CCDC85C: variants seen among roughly 807,000 people sequenced by gnomAD.
CCDC85C encodes coiled-coil domain containing 85C.
In CCDC85C, 18 loss-of-function variants were observed where a neutral mutation model predicts 38.3. The observed-to-expected ratio is 0.47, with a 90% confidence interval of 0.33 to 0.70. The LOEUF (loss-of-function observed/expected upper bound fraction) is 0.70. Ranked by LOEUF, CCDC85C falls within the 30% of genes least tolerant of loss-of-function variation. CCDC85C has a pLI of 0.03. For synonymous variants in CCDC85C, 264 were observed against 293.8 expected (o/e 0.90, Z 1.04); for missense variants, 566 against 621.2 (o/e 0.91, Z 0.94).
chr14:99,574,372 C>T (rs1898425454), intron 1 of CCDC85C, among the ~76,000 whole-genome samples: 2 of 152,098 alleles, frequency 1.3e-5, no homozygotes, highest in African/African-American at 2.4e-5. Flanking sequence ...AGCCACTCTC[C>T]GTGCTATATC....
In CCDC85C at chr14:99,509,082, T is replaced by C. The variant is rs891628358; in HGVS notation, c.*6164A>G. 6.6e-6 allele frequency: 1 copy of C among 152,226 alleles called. No individual in the cohort carries two copies. The allele number at this position is 152,226 out of a possible 1,614,324, so 9.4% of individuals were successfully genotyped here. On this transcript the variant is annotated 3_prime_UTR_variant, in exon 6 of 6. Coordinates refer to ENST00000380243, the MANE Select transcript of CCDC85C (RefSeq NM_001144995.2). ...TGATGAAATCCTGCTCATGCTCGCT[T>C]TGGCAAGATCAAACGGGTTGTGTGC...
At position 99,569,594 on chromosome 14, in the gene CCDC85C, C is replaced by T. The variant is rs1490250042; in HGVS notation, c.794-33506G>A. On this transcript the variant is annotated intron_variant, in intron 1 of 5. Transcript: ENST00000380243. This position sits in a 1 kb window ranked among gnomAD's most constrained non-coding sequence, Gnocchi z 4.3. ...ATTCAACGGTCCCAGGCCAAAAAGC[C>T]AGGACACTCCAGAGCCAAGAGCTGA... Among the ~76,000 whole-genome samples, 29 of 152,206 alleles carry T rather than the reference C, an allele frequency of 1.9e-4. No individual in the cohort carries two copies. Among genetic ancestry groups the T allele is most frequent in the Admixed American group, 1.9e-3 (29 of 15,276 alleles).
chr14:99,502,579 C>G lies in CCDC85C; in HGVS notation c.*12667G>C. The G allele has an allele frequency of 8.3e-7, 1 of 1,197,778 alleles. No individual in the cohort carries two copies. 74.2% of individuals were successfully genotyped at this position (1,197,778 alleles called of 1,614,324 possible). On this transcript the variant is annotated 3_prime_UTR_variant, in exon 6 of 6. Transcript: ENST00000380243. The stretch of plus-strand genomic sequence containing the variant: ...AAACTAAAAATACACACCAGTGTTG[C>G]ACACAACGAAGATGGGGTGAGTTGT...
rs1207505317 is a variant in CCDC85C, at chr14:99,603,651, G to A, written c.309C>T (p.Arg103=). The A allele has an allele frequency of 2.8e-5, 41 of 1,477,538 alleles. No individual in the cohort carries two copies. In the East Asian group the frequency reaches 6.2e-4, roughly 22 times the overall value. 91.5% of individuals were successfully genotyped at this position (1,477,538 alleles called of 1,614,324 possible). ...DDRQKGRKLA[R]EWQRFGRHAA... ...CGTGGCGCCCGAAGCGCTGCCACTCGCGCGCCAGCTTGCGCCCCTTCTGCC... is the reference window on the plus strand; with the variant it reads ...CGTGGCGCCCGAAGCGCTGCCACTCACGCGCCAGCTTGCGCCCCTTCTGCC... The change falls in exon 1 of 6, where the codon CGC becomes CGT. Residue 103 remains arginine, a synonymous_variant. Coordinates refer to ENST00000380243, the MANE Select transcript of CCDC85C (RefSeq NM_001144995.2). This position sits in a 1 kb window ranked among gnomAD's most constrained non-coding sequence, Gnocchi z 7.5.
Position 99,503,428 on chromosome 14 carries a change from G to A in CCDC85C, c.*11818C>T. ...TATTTGGTAAATGGAAAGAGGAAGG[G>A]AGCAGAAATGATGATCTGGTAGGTG... is the stretch of plus-strand genomic sequence containing the variant. On this transcript the variant is annotated 3_prime_UTR_variant, in exon 6 of 6. Coordinates refer to ENST00000380243, the MANE Select transcript of CCDC85C (RefSeq NM_001144995.2). 1 of 610,706 alleles carries A rather than the reference G, an allele frequency of 1.6e-6. No homozygotes were observed. Among genetic ancestry groups the A allele is most frequent in the Middle Eastern group, 3.5e-4 (1 of 2,888 alleles). The allele number at this position is 610,706 out of a possible 1,614,324, so 37.8% of individuals were successfully genotyped here.
chr14:99,550,752 A>C (rs1490700198), intron 1 of CCDC85C, among the ~76,000 whole-genome samples: 1 of 152,204 alleles, frequency 6.6e-6, no homozygotes, highest in African/African-American at 2.4e-5. Flanking sequence ...CTCACACTCT[A>C]ACTGTCCGAC....
At position 99,503,232 on chromosome 14, in the gene CCDC85C, A is replaced by G. The variant is rs1220972745; in HGVS notation, c.*12014T>C. ...CCCTGCTGCCTGTTTCATCCCTGCCAGGGTTCTGAAGCCTGTCGGTGTCGT... is the reference window on the plus strand; with the variant it reads ...CCCTGCTGCCTGTTTCATCCCTGCCGGGGTTCTGAAGCCTGTCGGTGTCGT... On this transcript the variant is annotated 3_prime_UTR_variant, in exon 6 of 6. Transcript: ENST00000380243. 6.0e-6 allele frequency: 4 copies of G among 661,432 alleles called. No individual in the cohort carries two copies. Among genetic ancestry groups the G allele is most frequent in the African/African-American group, 1.8e-5 (1 of 56,034 alleles). 41.0% of individuals were successfully genotyped at this position (661,432 alleles called of 1,614,324 possible). A position where few individuals can be genotyped will look rare whatever the true frequency, so the allele number is the denominator to read the frequency against.
chr14:99,560,457 A>C (rs1898095263), intron 1 of CCDC85C, among the ~76,000 whole-genome samples: 1 of 152,216 alleles, frequency 6.6e-6, no homozygotes, highest in Admixed American at 6.5e-5. Flanking sequence ...GGGAGGCAGG[A>C]GAGCCATGAG....
chr14:99,544,518 C>T lies in CCDC85C; in HGVS notation c.794-8430G>A, dbSNP rs111801080. 1.4e-5 allele frequency among the ~76,000 whole-genome samples: 2 copies of T among 147,868 alleles called. No individual in the cohort carries two copies. The highest frequency in any genetic ancestry group is 3.0e-5 in the Non-Finnish European group (2 of 67,276). The stretch of plus-strand genomic sequence containing the variant: ...TGTGTGTGTGTGTGTGTGTGTGTGT[C>T]TGTGTGTCTGTGTGTTCCCACACCC... On this transcript the variant is annotated intron_variant, in intron 1 of 5. Coordinates refer to ENST00000380243, the MANE Select transcript of CCDC85C (RefSeq NM_001144995.2). The surrounding 1 kb of genome is among the most constrained non-coding windows in gnomAD (Gnocchi z 5.3).
rs1404732970 is a variant in CCDC85C at position 99,509,295 on chromosome 14, G to A, written c.*5951C>T. On this transcript the variant is annotated 3_prime_UTR_variant, in exon 6 of 6. Coordinates refer to ENST00000380243, the MANE Select transcript of CCDC85C (RefSeq NM_001144995.2). ...TCATTCTGTGTGTTTGGCTACCTGTGGTGGGGTGTTGCGATGTCATTTTCC... is the reference window on the plus strand; with the variant it reads ...TCATTCTGTGTGTTTGGCTACCTGTAGTGGGGTGTTGCGATGTCATTTTCC... 6.6e-6 allele frequency: 1 copy of A among 152,312 alleles called. No individual in the cohort carries two copies. The highest frequency in any genetic ancestry group is 1.5e-5 in the Non-Finnish European group (1 of 68,094). The allele number at this position is 152,312 out of a possible 1,614,324, so 9.4% of individuals were successfully genotyped here.
chr14:99,575,731 C>T (rs1898461447), intron 1 of CCDC85C, among the ~76,000 whole-genome samples: 1 of 152,174 alleles, frequency 6.6e-6, no homozygotes, highest in African/African-American at 2.4e-5. Context: ...CTTCCACTGG[C>T]CTGCCCTGAG....
chr14:99,565,436 G>A (rs1898197356), intron 1 of CCDC85C, among the ~76,000 whole-genome samples: 1 of 152,184 alleles, frequency 6.6e-6, no homozygotes, highest in Non-Finnish European at 1.5e-5. Context: ...CCCATAAAAG[G>A]GAGACAACCT....
In CCDC85C at chr14:99,554,597, G is replaced by A. The variant is rs549241834; in HGVS notation, c.794-18509C>T. On this transcript the variant is annotated intron_variant, in intron 1 of 5. Transcript: ENST00000380243. ...AGCCTTGCTGTCAAATGAGGACCCC[G>A]GTCAATGGGAAGCCACCACCCACAG... 5.3e-4 allele frequency among the ~76,000 whole-genome samples: 80 copies of A among 152,296 alleles called. 1 individual carries two copies. Among genetic ancestry groups the A allele is most frequent in the African/African-American group, 1.8e-3 (74 of 41,568 alleles).
intron 1 of CCDC85C, among the ~76,000 whole-genome samples, chr14:99,592,036 CTTTCAGG>C (rs1307995415): frequency 2.0e-5 from 3 of 152,180 alleles, no homozygotes. Flanking sequence ...ACCCAGCCAG[CTTTCAGG>C]TTTCTTTCCG....
chr14:99,556,237 C>T (rs988414913), intron 1 of CCDC85C, among the ~76,000 whole-genome samples: 7 of 152,316 alleles, frequency 4.6e-5, no homozygotes, highest in South Asian at 2.1e-4. Context: ...GGCAACATAG[C>T]GGCATCCCGC....
chr14:99,551,496 AGTGTGCAGGTGG>A (rs1441456519), intron 1 of CCDC85C, among the ~76,000 whole-genome samples: 3 of 150,052 alleles, frequency 2.0e-5, no homozygotes, highest in South Asian at 2.1e-4. Flanking sequence ...TGTAGAAGGC[AGTGTGCAGGTGG>A]GTGTGCAGGT....
rs760419179 is a variant in CCDC85C at position 99,500,898 on chromosome 14, T to A, written c.*14348A>T. The A allele has an allele frequency of 1.5e-6, 2 of 1,326,590 alleles. No homozygotes were observed. The highest frequency in any genetic ancestry group is 2.1e-6 in the Non-Finnish European group (2 of 956,840). The allele number at this position is 1,326,590 out of a possible 1,614,324, so 82.2% of individuals were successfully genotyped here. A position where few individuals can be genotyped will look rare whatever the true frequency, so the allele number is the denominator to read the frequency against. ...TAAGAAGAAAGTTTTCAGAAGAATTTTTTCATTCTGAAATCAAGTCTTTAT... is the reference window on the plus strand; with the variant it reads ...TAAGAAGAAAGTTTTCAGAAGAATTATTTCATTCTGAAATCAAGTCTTTAT... On this transcript the variant is annotated 3_prime_UTR_variant, in exon 6 of 6. Transcript: ENST00000380243.
rs1304576863 is a variant in CCDC85C at position 99,510,360 on chromosome 14, G to A, written c.*4886C>T. 1 of 1,581,240 alleles carries A rather than the reference G, an allele frequency of 6.3e-7. No individual in the cohort carries two copies. ...GTCCACCACCAGCTCCTACATGTCT[G>A]GAGAGGGCTACCAGAGCCTGCAGTC... On this transcript the variant is annotated 3_prime_UTR_variant, in exon 6 of 6. Transcript: ENST00000380243.
chr14:99,518,066 G>A (rs907056991), intron 3 of CCDC85C, among the ~76,000 whole-genome samples: 21 of 152,156 alleles, frequency 1.4e-4, no homozygotes, highest in African/African-American at 3.4e-4. Context: ...TGAGTCTGCC[G>A]CCCTCTCTGT....
Sources: gnomAD v4.1 joint callset for allele counts (sites outside exome capture counted in the v4.1 genomes callset) on GRCh38, gnomAD v4.1.1 for gene constraint, Gnocchi (gnomAD v3.1) non-coding constraint, MANE v1.5 for transcripts, NCBI Gene and HGNC (gene_info 2026-07-23, HGNC 2026-07-21) for gene names.